ARHGAP42: variants seen among roughly 807,000 people sequenced by gnomAD.
The protein encoded by ARHGAP42 is Rho GTPase activating protein 42.
Under a neutral mutation model 125.0 loss-of-function variants are expected in ARHGAP42, and 63 were observed. The ratio of observed to expected loss-of-function variants is 0.50; its 90% confidence interval spans 0.41 to 0.62. ARHGAP42 has a LOEUF of 0.62. ARHGAP42 is among the 20% of genes least tolerant of loss of function. The pLI is 0.00. For missense variants in ARHGAP42, 766 were observed against 1,024.2 expected (o/e 0.75, Z 3.44); for synonymous variants, 339 against 351.0 (o/e 0.97, Z 0.38).
intron 3 of ARHGAP42, among the ~76,000 whole-genome samples, chr11:100,855,825 A>G (rs919994922): frequency 2.0e-5 from 3 of 152,088 alleles, no homozygotes; most frequent in Non-Finnish European, 4.4e-5. Context: ...AATAAGTGAA[A>G]TCACCAGTAA....
intron 4 of ARHGAP42, among the ~76,000 whole-genome samples, chr11:100,869,662 C>T (rs908588501): frequency 6.6e-6 from 1 of 152,074 alleles, no homozygotes; most frequent in South Asian, 2.1e-4. Flanking sequence ...ATCAAGAAGC[C>T]ATTCTATTGG....
At chr11:100,942,000 A>C (rs1867898289) in intron 9 of ARHGAP42, 116 bp downstream of exon 9, 2 of 801,182 alleles carry the variant, frequency 2.5e-6, no homozygotes, top group Non-Finnish European at 3.9e-6. Flanking sequence ...TTACAAAAAA[A>C]TAGAAGGTCA....
At chr11:100,935,117 A>G (rs1867697232) in intron 7 of ARHGAP42, among the ~76,000 whole-genome samples, 1 of 147,700 alleles carries the variant, frequency 6.8e-6, no homozygotes, top group South Asian at 2.1e-4. Flanking sequence ...TGACAAGAAA[A>G]TTTTCCTAAT....
intron 1 of ARHGAP42, among the ~76,000 whole-genome samples, chr11:100,747,347 A>G (rs1425125117): frequency 6.6e-6 from 1 of 152,180 alleles, no homozygotes; most frequent in Non-Finnish European, 1.5e-5. Flanking sequence ...TATACCAGAT[A>G]AGCTAAATTT....
chr11:100,751,551 G>A (rs1040161697), intron 1 of ARHGAP42, among the ~76,000 whole-genome samples: 20 of 151,684 alleles, frequency 1.3e-4, no homozygotes, highest in African/African-American at 4.8e-4. Flanking sequence ...GTAGAAACCT[G>A]TTGTAGATAA....
At chr11:100,940,618 A>G (rs950482688) in intron 8 of ARHGAP42, among the ~76,000 whole-genome samples, 8 of 152,216 alleles carry the variant, frequency 5.3e-5, no homozygotes, top group Non-Finnish European at 1.2e-4. Context: ...TGAACATTAC[A>G]CATACAAGTT....
At chr11:100,856,568 T>C (rs1257983391) in intron 3 of ARHGAP42, among the ~76,000 whole-genome samples, 1 of 152,126 alleles carries the variant, frequency 6.6e-6, no homozygotes, top group Non-Finnish European at 1.5e-5. Context: ...AGCCACTGAC[T>C]GCACACAAAA....
Position 100,976,927 on chromosome 11 carries a change from A to G in ARHGAP42, c.2349A>G (p.Arg783=). Residue 783 remains arginine (R), a synonymous_variant, in exon 21 of 24, where the codon AGA becomes AGG. Coordinates refer to ENST00000298815, the MANE Select transcript of ARHGAP42 (RefSeq NM_152432.4). ...CTCCGAAAATGTGCAGGAGATTAAG[A>G]CTAGACACTGCCTCAAGCAATGGCT... ...DLPPKMCRRL[R]LDTASSNGYQ... 1 of 1,551,494 alleles carries G rather than the reference A, an allele frequency of 6.4e-7. No individual in the cohort carries two copies. Among genetic ancestry groups the G allele is most frequent in the Non-Finnish European group, 8.7e-7 (1 of 1,146,824 alleles).
At chr11:100,723,003 T>G (rs926252809) in intron 1 of ARHGAP42, among the ~76,000 whole-genome samples, 4 of 152,200 alleles carry the variant, frequency 2.6e-5, no homozygotes, top group African/African-American at 9.6e-5. Flanking sequence ...TATCTAGATT[T>G]ATTATTTTGC....
chr11:100,738,988 G>A (rs34116563), intron 1 of ARHGAP42, among the ~76,000 whole-genome samples: 1 of 152,076 alleles, frequency 6.6e-6, no homozygotes, highest in Admixed American at 6.6e-5. Flanking sequence ...TCAGAACTTA[G>A]GAAAAAAGCT....
At chr11:100,835,024 A>T (rs1864753175) in intron 3 of ARHGAP42, among the ~76,000 whole-genome samples, 1 of 152,080 alleles carries the variant, frequency 6.6e-6, no homozygotes, top group African/African-American at 2.4e-5. Context: ...ATCTGAGTGA[A>T]ATAATGTTTT....
At chr11:100,695,600 C>T (rs1031163751) in intron 1 of ARHGAP42, among the ~76,000 whole-genome samples, 1 of 152,082 alleles carries the variant, frequency 6.6e-6, no homozygotes, top group Non-Finnish European at 1.5e-5. Context: ...CCACCGCACC[C>T]GGCCTCTAGG....
In ARHGAP42 at chr11:100,831,521, T is replaced by C. The variant is rs75965620; in HGVS notation, c.313-28033T>C. Among the ~76,000 whole-genome samples the C allele has an allele frequency of 1.1e-4, 17 of 152,302 alleles. No individual in the cohort carries two copies. The East Asian group carries it at 3.3e-3, about 29-fold the overall frequency. On this transcript the variant is annotated intron_variant, in intron 3 of 23. Transcript: ENST00000298815. The stretch of plus-strand genomic sequence containing the variant: ...AAATATCCGATGAAACACGTTTATG[T>C]TAGTGACTCACCAGTGTTCTGTAAG...
intron 14 of ARHGAP42, 76 bp downstream of exon 14, chr11:100,961,065 G>A: frequency 1.1e-6 from 1 of 914,968 alleles, no homozygotes; most frequent in South Asian, 2.3e-5. Context: ...TCTTTGACTA[G>A]TGCTTGTCTT....
chr11:100,837,529 A>G (rs1028917709), intron 3 of ARHGAP42, among the ~76,000 whole-genome samples: 2 of 152,084 alleles, frequency 1.3e-5, no homozygotes, highest in African/African-American at 2.4e-5. Flanking sequence ...GGCATGCTCA[A>G]AAGAATGGGC....
At chr11:100,945,787 A>G (rs959979308) in intron 10 of ARHGAP42, among the ~76,000 whole-genome samples, 6 of 152,086 alleles carry the variant, frequency 3.9e-5, no homozygotes, top group African/African-American at 1.4e-4. Flanking sequence ...GAGCACAGGT[A>G]GAGTAGATTT....
At chr11:100,764,375 T>C (rs1429949064) in intron 1 of ARHGAP42, among the ~76,000 whole-genome samples, 2 of 152,186 alleles carry the variant, frequency 1.3e-5, no homozygotes, top group Non-Finnish European at 2.9e-5. Context: ...TGATATGCCA[T>C]GAAAGAGCAT....
intron 1 of ARHGAP42, among the ~76,000 whole-genome samples, chr11:100,742,888 C>T (rs1476126162): frequency 6.6e-6 from 1 of 152,156 alleles, no homozygotes; most frequent in African/African-American, 2.4e-5. Flanking sequence ...AATAGCTACT[C>T]CTGCTCACTT....
intron 3 of ARHGAP42, among the ~76,000 whole-genome samples, chr11:100,804,669 T>C (rs998937398): frequency 1.3e-5 from 2 of 151,706 alleles, no homozygotes; most frequent in Admixed American, 6.6e-5. Context: ...CCTGTCACCA[T>C]GCCCAGCTAA....
Sources: allele counts gnomAD v4.1 joint callset (sites outside exome capture counted in the v4.1 genomes callset), GRCh38; gene constraint gnomAD v4.1.1; transcripts MANE v1.5; gene names NCBI Gene and HGNC (gene_info 2026-07-23, HGNC 2026-07-21).